The following GREM2 variants were observed in gnomAD, a reference collection of about 807,000 sequenced individuals.
GREM2 encodes the protein gremlin 2, DAN family BMP antagonist.
Under a neutral mutation model 14.2 loss-of-function variants are expected in GREM2, and 11 were observed. That is an observed-to-expected ratio of 0.78 (90% CI 0.49 to 1.28). The LOEUF (loss-of-function observed/expected upper bound fraction) is 1.28, where lower values mean the gene tolerates loss of function less well. Among genes scored for constraint, GREM2 ranks in the 50% most tolerant of loss-of-function variants. The probability of loss-of-function intolerance (pLI) is 0.00; values close to 1 mark genes in which losing one functional copy is unlikely to be tolerated. For synonymous variants in GREM2, 98 were observed against 97.6 expected (o/e 1.00, Z -0.02); for missense variants, 210 against 218.5 (o/e 0.96, Z 0.24).
intron 1 of GREM2, among the ~76,000 whole-genome samples, chr1:240,557,723 G>A (rs948638791): frequency 6.6e-6 from 1 of 151,920 alleles, no homozygotes; most frequent in Admixed American, 6.6e-5. Context: ...AAACAAAAAA[G>A]AGAAGGACAA....
chr1:240,492,873 A>G lies in GREM2; in HGVS notation c.*96T>C. The stretch of plus-strand genomic sequence containing the variant: ...TTGCTGCTGAGGGGGAACACCAGGC[A>G]GCGTGACAGTGGGCTCGGAGGGCAG... On this transcript the variant is annotated 3_prime_UTR_variant, in exon 2 of 2. Coordinates refer to ENST00000318160, the MANE Select transcript of GREM2 (RefSeq NM_022469.4). The G allele has an allele frequency of 2.5e-6, 3 of 1,198,118 alleles. No individual in the cohort carries two copies. Among genetic ancestry groups the G allele is most frequent in the African/African-American group, 3.2e-5 (2 of 62,460 alleles). The allele number at this position is 1,198,118 out of a possible 1,614,324, so 74.2% of individuals were successfully genotyped here. A position where few individuals can be genotyped will look rare whatever the true frequency, so the allele number is the denominator to read the frequency against.
chr1:240,574,367 T>C (rs1346718192), intron 1 of GREM2, among the ~76,000 whole-genome samples: 2 of 152,140 alleles, frequency 1.3e-5, no homozygotes, highest in Admixed American at 6.5e-5. Flanking sequence ...ACTAGTAATA[T>C]AAAAATAACT....
intron 1 of GREM2, among the ~76,000 whole-genome samples, chr1:240,537,716 C>A (rs1038438536): frequency 6.6e-6 from 1 of 152,042 alleles, no homozygotes; most frequent in African/African-American, 2.4e-5. Context: ...ATCCAGGAGG[C>A]GGAGGTTGCA....
intron 1 of GREM2, among the ~76,000 whole-genome samples, chr1:240,595,308 G>A (rs1384371601): frequency 3.3e-5 from 5 of 152,138 alleles, no homozygotes; most frequent in Non-Finnish European, 7.3e-5. Flanking sequence ...CTCCAGCCTG[G>A]CCACAGAGTG....
At chr1:240,531,561 AC>A (rs1418702976) in intron 1 of GREM2, 5 of 821,738 alleles carry the variant, frequency 6.1e-6, no homozygotes, top group Admixed American at 6.2e-5. Context: ...AGCTTCCCAA[AC>A]AAAGGAAATT....
At chr1:240,579,059 C>G (rs1679428799) in intron 1 of GREM2, among the ~76,000 whole-genome samples, 1 of 152,138 alleles carries the variant, frequency 6.6e-6, no homozygotes. Flanking sequence ...TTCAGACTCT[C>G]ATTGTCAGGT....
intron 1 of GREM2, among the ~76,000 whole-genome samples, chr1:240,606,839 C>T (rs1571956024): frequency 1.3e-5 from 2 of 151,948 alleles, no homozygotes; most frequent in Non-Finnish European, 2.9e-5. Context: ...CCACCATGCC[C>T]GGCTAATTTT....
At chr1:240,500,234 G>A (rs1197280170) in intron 1 of GREM2, among the ~76,000 whole-genome samples, 3 of 151,970 alleles carry the variant, frequency 2.0e-5, no homozygotes, top group African/African-American at 4.8e-5. Flanking sequence ...GTTGGTATTC[G>A]TCGTTCCTGT....
At chr1:240,590,667 G>C (rs1006293240) in intron 1 of GREM2, 1 of 151,974 alleles carries the variant, frequency 6.6e-6, no homozygotes, top group African/African-American at 2.4e-5. Context: ...GACCTCAGGT[G>C]ATATATGCAC....
intron 1 of GREM2, among the ~76,000 whole-genome samples, chr1:240,514,726 C>A (rs1034868128): frequency 4.6e-5 from 7 of 152,142 alleles, no homozygotes; most frequent in Middle Eastern, 3.2e-3. Flanking sequence ...TGGTGAAACA[C>A]CATCTCTACA....
At chr1:240,555,804 A>G (rs1678945128) in intron 1 of GREM2, among the ~76,000 whole-genome samples, 1 of 152,250 alleles carries the variant, frequency 6.6e-6, no homozygotes, top group Admixed American at 6.5e-5. Context: ...CACCCCAGCT[A>G]TCCTTGGAGA....
chr1:240,493,777 G>C (rs955035961), intron 1 of GREM2, among the ~76,000 whole-genome samples: 4 of 152,050 alleles, frequency 2.6e-5, no homozygotes, highest in Admixed American at 6.5e-5. Flanking sequence ...GCGCTCCTCT[G>C]CCTCAGCCTC....
chr1:240,562,777 ATGAGTGTGTATG>A (rs749050842), intron 1 of GREM2, among the ~76,000 whole-genome samples: 1 of 149,584 alleles, frequency 6.7e-6, no homozygotes, highest in Non-Finnish European at 1.5e-5. Flanking sequence ...ATGTGTGTGT[ATGAGTGTGTATG>A]TGTGTATGTG....
chr1:240,574,241 T>A (rs189668648), intron 1 of GREM2, among the ~76,000 whole-genome samples: 1 of 152,238 alleles, frequency 6.6e-6, no homozygotes, highest in East Asian at 1.9e-4. Context: ...TAAAATTTCT[T>A]TTCTGTTGTA....
chr1:240,527,419 C>G (rs753883007), intron 1 of GREM2, among the ~76,000 whole-genome samples: 1 of 152,080 alleles, frequency 6.6e-6, no homozygotes, highest in Non-Finnish European at 1.5e-5. Context: ...GCTTTTGAAC[C>G]AACTTCTTAG....
At chr1:240,504,382 G>A (rs183373026) in intron 1 of GREM2, among the ~76,000 whole-genome samples, 40 of 152,292 alleles carry the variant, frequency 2.6e-4, no homozygotes, top group Admixed American at 8.5e-4. Context: ...GGGGCTACCC[G>A]TAGGCTTTCC....
intron 1 of GREM2, among the ~76,000 whole-genome samples, chr1:240,582,131 A>G (rs61666902): frequency 0.021 from 3,241 of 152,326 alleles, 84 homozygotes; most frequent in African/African-American, 0.056. Context: ...AACCACTGCT[A>G]TAATTCATTA....
chr1:240,541,614 T>C (rs1216659348), intron 1 of GREM2, among the ~76,000 whole-genome samples: 1 of 152,176 alleles, frequency 6.6e-6, no homozygotes. Flanking sequence ...GCGTTAACTC[T>C]CAGTGGGCCA....
chr1:240,544,002 T>C (rs1678658098), intron 1 of GREM2, among the ~76,000 whole-genome samples: 1 of 152,154 alleles, frequency 6.6e-6, no homozygotes, highest in Non-Finnish European at 1.5e-5. Context: ...GTTATAAAAA[T>C]CAAAACTTGA....
Sources: allele counts gnomAD v4.1 joint callset (sites outside exome capture counted in the v4.1 genomes callset), GRCh38; gene constraint gnomAD v4.1.1; transcripts MANE v1.5; gene names NCBI Gene and HGNC (gene_info 2026-07-23, HGNC 2026-07-21).